The following KCNB2 variants were observed in gnomAD, a reference collection of about 807,000 sequenced individuals.
KCNB2 encodes the protein potassium voltage-gated channel subfamily B member 2.
KCNB2 carries 15 observed loss-of-function variants against 61.5 expected under a neutral mutation model. The ratio of observed to expected loss-of-function variants is 0.24; its 90% confidence interval spans 0.16 to 0.38. KCNB2 has a LOEUF of 0.38. KCNB2 is among the 10% of genes least tolerant of loss of function. The pLI, the probability that KCNB2 is intolerant of heterozygous loss-of-function variation, is 1.00. For missense variants in KCNB2, 828 were observed against 1,125.2 expected (o/e 0.74, Z 3.78); for synonymous variants, 457 against 446.0 (o/e 1.02, Z -0.31).
At chr8:72,898,700 G>A (rs879899811) in intron 2 of KCNB2, among the ~76,000 whole-genome samples, 6 of 152,076 alleles carry the variant, frequency 3.9e-5, no homozygotes, top group Non-Finnish European at 7.4e-5. Flanking sequence ...GGGGCTACAT[G>A]TGCAGGTTTG....
At chr8:72,665,468 A>G (rs1806452464) in intron 2 of KCNB2, among the ~76,000 whole-genome samples, 1 of 152,164 alleles carries the variant, frequency 6.6e-6, no homozygotes, top group Non-Finnish European at 1.5e-5. Flanking sequence ...AAAGTGAAAG[A>G]AAATGGTTTA....
chr8:72,611,130 T>C (rs1279496910), intron 2 of KCNB2, among the ~76,000 whole-genome samples: 1 of 152,180 alleles, frequency 6.6e-6, no homozygotes, highest in Non-Finnish European at 1.5e-5. Context: ...AAAATCTATG[T>C]GCTATCCATT....
chr8:72,666,548 A>C (rs1806475938), intron 2 of KCNB2, among the ~76,000 whole-genome samples: 1 of 152,208 alleles, frequency 6.6e-6, no homozygotes, highest in African/African-American at 2.4e-5. Flanking sequence ...TCTAAATGAA[A>C]GGTTTAGGAA....
chr8:72,698,302 A>G (rs1300415062), intron 2 of KCNB2, among the ~76,000 whole-genome samples: 2 of 152,064 alleles, frequency 1.3e-5, no homozygotes, highest in Non-Finnish European at 2.9e-5. Flanking sequence ...CTAGGAATAC[A>G]TGTAACCAAG....
chr8:72,761,353 A>T (rs147809398), intron 2 of KCNB2, among the ~76,000 whole-genome samples: 44 of 152,310 alleles, frequency 2.9e-4, no homozygotes, highest in African/African-American at 1.0e-3. Context: ...CATGTGAGAG[A>T]AAAACAAAAT....
intron 2 of KCNB2, among the ~76,000 whole-genome samples, chr8:72,680,266 A>G (rs541543688): frequency 1.3e-5 from 2 of 152,244 alleles, no homozygotes; most frequent in Admixed American, 6.5e-5. Context: ...AATGAAGCAG[A>G]TGGGTTAGGG....
chr8:72,609,044 T>C (rs536397119), intron 2 of KCNB2, among the ~76,000 whole-genome samples: 11 of 152,312 alleles, frequency 7.2e-5, no homozygotes, highest in Admixed American at 6.5e-4. Context: ...AGTAGAATTG[T>C]TTCATAGAGG....
At chr8:72,816,354 C>T (rs1809396853) in intron 2 of KCNB2, among the ~76,000 whole-genome samples, 1 of 152,168 alleles carries the variant, frequency 6.6e-6, no homozygotes, top group South Asian at 2.1e-4. Flanking sequence ...ATTTCCCTTT[C>T]AGTTGAAGCA....
intron 2 of KCNB2, among the ~76,000 whole-genome samples, chr8:72,896,475 C>T (rs1267802473): frequency 6.6e-6 from 1 of 152,074 alleles, no homozygotes; most frequent in African/African-American, 2.4e-5. Flanking sequence ...AAAGGTTGAG[C>T]AAAGTCTCCT....
At chr8:72,597,261 C>G (rs1807214287) in intron 2 of KCNB2, among the ~76,000 whole-genome samples, 2 of 152,032 alleles carry the variant, frequency 1.3e-5, no homozygotes, top group East Asian at 3.9e-4. Context: ...GTCTTGATCT[C>G]CCTACCTCGT....
At chr8:72,599,008 A>C (rs1807245770) in intron 2 of KCNB2, among the ~76,000 whole-genome samples, 1 of 152,232 alleles carries the variant, frequency 6.6e-6, no homozygotes, top group Non-Finnish European at 1.5e-5. Context: ...ATATCGTGAA[A>C]ATGGCCATAC....
chr8:72,600,800 A>G (rs934718321), intron 2 of KCNB2, among the ~76,000 whole-genome samples: 8 of 152,036 alleles, frequency 5.3e-5, no homozygotes, highest in Admixed American at 4.6e-4. Context: ...GAACACATGG[A>G]TGCATAGAGG....
At chr8:72,914,709 G>C (rs1010770992) in intron 2 of KCNB2, among the ~76,000 whole-genome samples, 1 of 152,116 alleles carries the variant, frequency 6.6e-6, no homozygotes, top group Non-Finnish European at 1.5e-5. Context: ...TTGGTGTTGA[G>C]AATTCAGCCA....
intron 2 of KCNB2, among the ~76,000 whole-genome samples, chr8:72,826,745 A>G (rs1375992319): frequency 6.6e-6 from 1 of 152,208 alleles, no homozygotes; most frequent in African/African-American, 2.4e-5. Context: ...GAAAATCCAT[A>G]TTTTGAAAAG....
chr8:72,828,755 C>A (rs964228465), intron 2 of KCNB2, among the ~76,000 whole-genome samples: 1 of 152,122 alleles, frequency 6.6e-6, no homozygotes, highest in African/African-American at 2.4e-5. Flanking sequence ...TTCTTTAAGC[C>A]TAGAAAGTCC....
At chr8:72,620,692 T>C (rs533218950) in intron 2 of KCNB2, among the ~76,000 whole-genome samples, 3 of 152,254 alleles carry the variant, frequency 2.0e-5, no homozygotes, top group African/African-American at 7.2e-5. Context: ...CACTGCAACC[T>C]CTGCCTCCCA....
At chr8:72,817,484 T>C (rs1173550979) in intron 2 of KCNB2, among the ~76,000 whole-genome samples, 1 of 152,186 alleles carries the variant, frequency 6.6e-6, no homozygotes, top group East Asian at 1.9e-4. Context: ...TGACTCAATA[T>C]TATCTCGGAT....
intron 2 of KCNB2, among the ~76,000 whole-genome samples, chr8:72,725,585 A>ATATG (rs1807630022): frequency 2.9e-5 from 2 of 67,942 alleles, no homozygotes; most frequent in African/African-American, 1.6e-4. Context: ...GTATATATAT[A>ATATG]TGTATGTATA....
At chr8:72,632,368 C>T (rs1405008675) in intron 2 of KCNB2, among the ~76,000 whole-genome samples, 1 of 152,198 alleles carries the variant, frequency 6.6e-6, no homozygotes, top group Non-Finnish European at 1.5e-5. Flanking sequence ...CACACAGCCA[C>T]ACTCACTCAT....
Sources: allele counts gnomAD v4.1 joint callset (sites outside exome capture counted in the v4.1 genomes callset), GRCh38; gene constraint gnomAD v4.1.1; transcripts MANE v1.5; gene names NCBI Gene and HGNC (gene_info 2026-07-23, HGNC 2026-07-21).